The following CHLSN variants were observed in gnomAD, a reference collection of about 807,000 sequenced individuals.
CHLSN encodes the protein protein cholesin.
chr7:988,412 T>C, the CHLSN span: 1 of 1,612,558 alleles, frequency 6.2e-7, no homozygotes, highest in Non-Finnish European at 8.5e-7. Context: ...CCTGCCTTTC[T>C]CTGCAGGTCA....
At chr7:1,020,627 G>A in the CHLSN span, among the ~76,000 whole-genome samples, 1 of 152,224 alleles carries the variant, frequency 6.6e-6, no homozygotes, top group South Asian at 2.1e-4. Context: ...GTAAGGAAAT[G>A]AATGACAGTA....
At chr7:1,040,086 T>C in the CHLSN span, among the ~76,000 whole-genome samples, 19 of 139,714 alleles carry the variant, frequency 1.4e-4, no homozygotes, top group Admixed American at 4.3e-4. Flanking sequence ...TTTGTTCACT[T>C]GTTTATCTGC....
chr7:1,075,344 C>T, the CHLSN span, among the ~76,000 whole-genome samples: 2 of 151,952 alleles, frequency 1.3e-5, no homozygotes, highest in Admixed American at 1.3e-4. Context: ...AATCCTGTCT[C>T]TACTAAACAT....
the CHLSN span, among the ~76,000 whole-genome samples, chr7:1,002,270 GCCCTGTGGGTGAGTGGAA>G: frequency 2.2e-5 from 2 of 91,698 alleles, no homozygotes; most frequent in Non-Finnish European, 2.2e-5. Flanking sequence ...GGTGAGTGGA[GCCCTGTGGGTGAGTGGAA>G]TCCTGTGGGT....
chr7:1,058,512 G>A, the CHLSN span: 1 of 778,464 alleles, frequency 1.3e-6, no homozygotes, highest in South Asian at 1.3e-5. Context: ...GCAGGTGCTG[G>A]CGTAGGCGGC....
chr7:1,040,495 A>G, the CHLSN span, among the ~76,000 whole-genome samples: 3 of 152,212 alleles, frequency 2.0e-5, no homozygotes, highest in Admixed American at 6.5e-5. Context: ...ACCCTGTCTC[A>G]AAAACAAAAA....
At chr7:1,044,713 C>T in the CHLSN span, 1 of 152,218 alleles carries the variant, frequency 6.6e-6, no homozygotes, top group African/African-American at 2.4e-5. Flanking sequence ...CCAGTCTCCG[C>T]CTGGGGAGGG....
chr7:997,701 A>C, the CHLSN span: 3 of 1,611,222 alleles, frequency 1.9e-6, no homozygotes, highest in Non-Finnish European at 2.5e-6. Flanking sequence ...CTCCTCATCC[A>C]GCTCCCGCAT....
chr7:1,053,834 C>T, the CHLSN span, among the ~76,000 whole-genome samples: 3 of 151,972 alleles, frequency 2.0e-5, no homozygotes, highest in African/African-American at 7.3e-5. Context: ...CTCAAAAAAA[C>T]AAAAACAAAA....
At chr7:1,136,064 A>G in the CHLSN span, among the ~76,000 whole-genome samples, 1 of 109,742 alleles carries the variant, frequency 9.1e-6, no homozygotes, top group Non-Finnish European at 1.6e-5. Flanking sequence ...ATAAATATAT[A>G]TAAATATAAG....
the CHLSN span, chr7:997,748 C>A: frequency 6.2e-7 from 1 of 1,606,230 alleles, no homozygotes; most frequent in Non-Finnish European, 8.5e-7. Flanking sequence ...GCTCTCGGGC[C>A]CGGCCCTGCA....
the CHLSN span, among the ~76,000 whole-genome samples, chr7:1,066,327 G>T: frequency 0.068 from 10,318 of 152,300 alleles, 394 homozygotes; most frequent in Admixed American, 0.11. Context: ...CCCCCACGCC[G>T]CCTGGACGCC....
chr7:979,991 G>A, the CHLSN span, among the ~76,000 whole-genome samples: 52 of 152,340 alleles, frequency 3.4e-4, no homozygotes, highest in East Asian at 7.3e-3. Context: ...CTGGTGGAAT[G>A]AGCAAACACG....
the CHLSN span, among the ~76,000 whole-genome samples, chr7:978,966 A>G: frequency 6.6e-6 from 1 of 152,170 alleles, no homozygotes; most frequent in Admixed American, 6.5e-5. Context: ...AAGCCTGGCC[A>G]CGGTTCCGTG....
chr7:1,085,704 C>T, the CHLSN span, among the ~76,000 whole-genome samples: 1 of 151,230 alleles, frequency 6.6e-6, no homozygotes, highest in African/African-American at 2.4e-5. Flanking sequence ...ATTAGCGGCT[C>T]GCATCTGTAG....
At chr7:1,097,347 G>C in the CHLSN span, among the ~76,000 whole-genome samples, 2 of 152,134 alleles carry the variant, frequency 1.3e-5, no homozygotes, top group African/African-American at 4.8e-5. The surrounding 1 kb of genome is among the most constrained non-coding windows in gnomAD (Gnocchi z 4.3). Context: ...AGAGCACGTC[G>C]GGTGACACCC....
chr7:1,081,372 AC>A, the CHLSN span, among the ~76,000 whole-genome samples: 3 of 152,198 alleles, frequency 2.0e-5, no homozygotes, highest in African/African-American at 7.2e-5. Context: ...GGGAAGGGGA[AC>A]CTGTCTGGGA....
the CHLSN span, chr7:987,313 C>A: frequency 1.7e-5 from 26 of 1,536,732 alleles, no homozygotes; most frequent in Non-Finnish European, 2.2e-5. Flanking sequence ...CGAGGGATGG[C>A]GCTGCCACCC....
chr7:1,099,974 G>A, the CHLSN span, among the ~76,000 whole-genome samples: 1 of 152,206 alleles, frequency 6.6e-6, no homozygotes, highest in Non-Finnish European at 1.5e-5. Context: ...TCCAATCTGA[G>A]CTATGGAACC....
Sources: gnomAD v4.1 joint callset for allele counts (sites outside exome capture counted in the v4.1 genomes callset) on GRCh38, gnomAD v4.1.1 for gene constraint, Gnocchi (gnomAD v3.1) non-coding constraint, MANE v1.5 for transcripts, NCBI Gene and HGNC (gene_info 2026-07-23, HGNC 2026-07-21) for gene names.